The following DMTN variants were observed in gnomAD, a reference collection of about 807,000 sequenced individuals.
The protein encoded by DMTN is dematin actin binding protein.
Under a neutral mutation model 59.4 loss-of-function variants are expected in DMTN, and 27 were observed. The ratio of observed to expected loss-of-function variants is 0.45; its 90% CI spans 0.33 to 0.63. The LOEUF is 0.63. Ranked by LOEUF, DMTN falls within the 20% of genes least tolerant of loss-of-function variation. The pLI is 0.02. For synonymous variants in DMTN, 221 were observed against 203.7 expected (o/e 1.08, Z -0.72); for missense variants, 451 against 528.9 (o/e 0.85, Z 1.45).
intron 5 of DMTN, 174 bp downstream of exon 5, chr8:22,069,234 A>G (rs530627721): frequency 4.8e-5 from 43 of 899,624 alleles, no homozygotes; most frequent in Non-Finnish European, 6.7e-5. Context: ...CCAGGACCTC[A>G]ACCCTTTCTC....
In DMTN at chr8:22,070,324, G is replaced by A; in HGVS notation, c.594G>A (p.Leu198=). The A allele has an allele frequency of 1.2e-6, 2 of 1,608,772 alleles. No individual in the cohort carries two copies. The highest frequency in any genetic ancestry group is 1.7e-6 in the Non-Finnish European group (2 of 1,177,074). The change falls in exon 8 of 16, where the codon CTG becomes CTA. Residue 198 remains leucine, a synonymous_variant. Transcript: ENST00000358242. ...ETDYWPCPPS[L]AVVETEWRKR... ...ACTACTGGCCATGCCCCCCGTCTCT[G>A]GCTGTTGTGGGTAGGAGAGATGGGG...
chr8:22,068,556 G>C (rs1812607180), intron 4 of DMTN, among the ~76,000 whole-genome samples: 1 of 151,994 alleles, frequency 6.6e-6, no homozygotes, highest in Non-Finnish European at 1.5e-5. Flanking sequence ...AACAGAGTGA[G>C]ACTATAAGAA....
intron 1 of DMTN, among the ~76,000 whole-genome samples, chr8:22,062,680 C>G (rs1225670046): frequency 1.3e-5 from 2 of 152,042 alleles, no homozygotes; most frequent in African/African-American, 4.8e-5. Flanking sequence ...ATCACCCCCC[C>G]AATCCCTAAC....
chr8:22,066,741 G>A lies in DMTN; in HGVS notation c.-135G>A. 2 of 1,015,946 alleles carry A rather than the reference G, an allele frequency of 2.0e-6. No homozygotes were observed. The highest frequency in any genetic ancestry group is 1.3e-6 in the Non-Finnish European group (1 of 772,340). 62.9% of individuals were successfully genotyped at this position (1,015,946 alleles called of 1,614,324 possible). The stretch of plus-strand genomic sequence containing the variant: ...ACCGCCGAGGGATGAGGACGCGCCA[G>A]CCCGGGGGAACGCGCCAGCTGCTTT... On this transcript the variant is annotated 5_prime_UTR_variant, in exon 2 of 16. Coordinates refer to ENST00000358242, the MANE Select transcript of DMTN (RefSeq NM_001387751.1).
At chr8:22,061,199 G>C (rs1358303706) in intron 1 of DMTN, among the ~76,000 whole-genome samples, 1 of 151,354 alleles carries the variant, frequency 6.6e-6, no homozygotes, top group Non-Finnish European at 1.5e-5. Context: ...AGGAGAATGG[G>C]TTGGGCCTGG....
rs570789218 is a variant in DMTN, at chr8:22,058,149, T to C, written c.-172+1013T>C. Among the ~76,000 whole-genome samples, 77 of 152,126 alleles carry C rather than the reference T, an allele frequency of 5.1e-4. 2 individuals are homozygous for C. The highest frequency in any genetic ancestry group is 1.8e-3 in the African/African-American group (74 of 41,492). On this transcript the variant is annotated intron_variant, in intron 1 of 15. Coordinates refer to ENST00000358242, the MANE Select transcript of DMTN (RefSeq NM_001387751.1). This position sits in a 1 kb window ranked among gnomAD's most constrained non-coding sequence, Gnocchi z 4.3. ...GGGCTTCGGAGTCTCCCCGCGTGCATGCGTCCTGCAACGGTTTCAGCGCGG... is the reference window on the plus strand; with the variant it reads ...GGGCTTCGGAGTCTCCCCGCGTGCACGCGTCCTGCAACGGTTTCAGCGCGG...
In DMTN at chr8:22,058,200, C is replaced by T. The variant is rs1017305397; in HGVS notation, c.-172+1064C>T. ...GCGCTTCTGCCTGTGCCCACCTGTCCATCTTGTGTCCGTGCTGCCGGCCTC... is the reference window on the plus strand; with the variant it reads ...GCGCTTCTGCCTGTGCCCACCTGTCTATCTTGTGTCCGTGCTGCCGGCCTC... On this transcript the variant is annotated intron_variant, in intron 1 of 15. Transcript: ENST00000358242. This position sits in a 1 kb window ranked among gnomAD's most constrained non-coding sequence, Gnocchi z 4.3. 5.3e-5 allele frequency among the ~76,000 whole-genome samples: 8 copies of T among 152,092 alleles called. No individual in the cohort carries two copies. The highest frequency in any genetic ancestry group is 1.2e-4 in the Non-Finnish European group (8 of 68,016).
rs572043160 is a variant in DMTN, at chr8:22,058,684, C to T, written c.-172+1548C>T. Among the ~76,000 whole-genome samples, 140 of 151,858 alleles carry T rather than the reference C, an allele frequency of 9.2e-4. 2 individuals carry two copies. The highest frequency in any genetic ancestry group is 1.3e-4 in the Non-Finnish European group (9 of 67,934). ...ACCCACCCAGGCCTGGTCCTTTATC[C>T]GAGTATGAGAGGGTGCCCTGTAGTG... is the stretch of plus-strand genomic sequence containing the variant. On this transcript the variant is annotated intron_variant, in intron 1 of 15. Transcript: ENST00000358242. The surrounding 1 kb of genome is among the most constrained non-coding windows in gnomAD (Gnocchi z 4.3).
chr8:22,066,633 G>A (rs1810874427), intron 1 of DMTN, 72 bp from the exon 2 acceptor site: 1 of 354,124 alleles, frequency 2.8e-6, no homozygotes, highest in Admixed American at 4.8e-5. Context: ...CGGCTGCCTG[G>A]AGAGCGGCCG....
intron 1 of DMTN, among the ~76,000 whole-genome samples, chr8:22,065,032 G>A (rs1563428405): frequency 6.6e-6 from 1 of 152,132 alleles, no homozygotes; most frequent in Non-Finnish European, 1.5e-5. Flanking sequence ...AAAGTACCTA[G>A]CACATAATGA....
chr8:22,053,265 G>C (rs140184151), upstream of DMTN, among the ~76,000 whole-genome samples: 1 of 152,284 alleles, frequency 6.6e-6, no homozygotes, highest in African/African-American at 2.4e-5. Flanking sequence ...GGGGCTTTGC[G>C]GGGGCCAGAT....
intron 6 of DMTN, 24 bp from the exon 7 acceptor site, chr8:22,069,856 TC>T: frequency 6.2e-7 from 1 of 1,613,236 alleles, no homozygotes; most frequent in South Asian, 1.1e-5. Context: ...CATGTCCTCC[TC>T]CTCATCTGTT....
chr8:22,079,303 A>ATATATATAGATATAG (rs67715172), intron 10 of DMTN, among the ~76,000 whole-genome samples: 1 of 52,220 alleles, frequency 1.9e-5, no homozygotes. Context: ...TATATATATT[A>ATATATATAGATATAG]GCTGGGTTTG....
chr8:22,074,137 C>T (rs115400934), intron 10 of DMTN, among the ~76,000 whole-genome samples: 2,944 of 152,226 alleles, frequency 0.019, 83 homozygotes, highest in African/African-American at 0.066. Context: ...TTGCTGTTGG[C>T]GGGGAAACTG....
chr8:22,066,005 T>A (rs886818271), intron 1 of DMTN, among the ~76,000 whole-genome samples: 1 of 151,884 alleles, frequency 6.6e-6, no homozygotes, highest in African/African-American at 2.4e-5. Flanking sequence ...CACGCCTGGC[T>A]AATTTTTAAA....
At chr8:22,053,339 A>G (rs1164368987), upstream of DMTN, among the ~76,000 whole-genome samples, 1 of 152,182 alleles carries the variant, frequency 6.6e-6, no homozygotes, top group East Asian at 1.9e-4. Flanking sequence ...GCAGAGTCCA[A>G]TGCCCGGAGG....
chr8:22,050,903 C>T (rs1801287005), upstream of DMTN, among the ~76,000 whole-genome samples: 2 of 152,202 alleles, frequency 1.3e-5, no homozygotes, highest in African/African-American at 2.4e-5. Flanking sequence ...CTGTTCAGCT[C>T]ATTCCCCCTG....
In DMTN at chr8:22,069,047, C is replaced by A. The variant is rs200453963; in HGVS notation, c.281C>A (p.Pro94Gln). The change falls in exon 5 of 16, where the codon CCA becomes CAA. Residue 94 changes from proline (P) to glutamine (Q), a missense_variant. Physicochemically the swap from Pro to Gln is moderately conservative, Grantham distance 76. Coordinates refer to ENST00000358242, the MANE Select transcript of DMTN (RefSeq NM_001387751.1). ...CTGTCACCCAAATCCACATCCCCCC[C>A]ACCATCCCCAGAGGTGAGTCTGCCC... The part of the protein sequence containing the change: ...RSLSPKSTSP[P>Q]PSPEVWADSR... The A allele has an allele frequency of 1.4e-5, 23 of 1,612,688 alleles. No homozygotes were observed. Among genetic ancestry groups the A allele is most frequent in the Admixed American group, 1.0e-4 (6 of 59,886 alleles).
In DMTN at chr8:22,069,882, G is replaced by A. The variant is rs768857135; in HGVS notation, c.396G>A (p.Glu132=). ...RTSLPHFHHP[E]TSRPDSNIYK... Reference sequence around the variant, plus strand: ...CCTCATCTGTTCTTCCTCCCACAGAGACCTCCCGCCCAGATTCCAACATCT... The same window carrying A: ...CCTCATCTGTTCTTCCTCCCACAGAAACCTCCCGCCCAGATTCCAACATCT... The change falls in exon 7 of 16, where the codon GAG becomes GAA. Residue 132 remains glutamate, a splice_region_variant and synonymous_variant. Coordinates refer to ENST00000358242, the MANE Select transcript of DMTN (RefSeq NM_001387751.1). The A allele has an allele frequency of 3.7e-6, 6 of 1,613,932 alleles. No individual in the cohort carries two copies. The South Asian group carries it at 6.6e-5, about 18-fold the overall frequency.
Sources: gnomAD v4.1 joint callset for allele counts (sites outside exome capture counted in the v4.1 genomes callset) on GRCh38, gnomAD v4.1.1 for gene constraint, Gnocchi (gnomAD v3.1) non-coding constraint, MANE v1.5 for transcripts, NCBI Gene and HGNC (gene_info 2026-07-23, HGNC 2026-07-21) for gene names.